The following TRRAP variants were observed in gnomAD, a reference collection of about 807,000 sequenced individuals.
TRRAP encodes the protein transformation/transcription domain-associated protein.
In TRRAP, 41 loss-of-function variants were observed where a neutral mutation model predicts 438.8. That is an observed-to-expected ratio of 0.09 (90% CI 0.07 to 0.12). The LOEUF (loss-of-function observed/expected upper bound fraction) is 0.12, where lower values mean the gene tolerates loss of function less well. Among genes scored for constraint, TRRAP ranks in the 10% least tolerant of loss-of-function variants. The probability of loss-of-function intolerance (pLI) is 1.00; values close to 1 mark genes in which losing one functional copy is unlikely to be tolerated. For missense variants in TRRAP, 3,122 were observed against 5,055.1 expected (o/e 0.62, Z 11.60); for synonymous variants, 1,994 against 1,962.9 (o/e 1.02, Z -0.42).
chr7:98,909,372 T>C (rs1471863421), intron 14 of TRRAP, among the ~76,000 whole-genome samples: 3 of 152,198 alleles, frequency 2.0e-5, no homozygotes, highest in Non-Finnish European at 4.4e-5. Flanking sequence ...ATCGCTAGGC[T>C]TGATCCCAGG....
chr7:98,951,456 G>C (rs951308134), intron 39 of TRRAP, among the ~76,000 whole-genome samples: 1 of 152,170 alleles, frequency 6.6e-6, no homozygotes, highest in African/African-American at 2.4e-5. Context: ...TGTGGTGGCC[G>C]TAGTCCAGTC....
chr7:98,933,470 G>A (rs964824435), intron 27 of TRRAP, 68 bp downstream of exon 27: 102 of 1,535,946 alleles, frequency 6.6e-5, no homozygotes, highest in Admixed American at 2.0e-4. Context: ...GTCTTTGTAC[G>A]CGAAGACTGG....
chr7:98,957,072 A>T (rs1481769040), intron 43 of TRRAP, among the ~76,000 whole-genome samples: 1 of 151,986 alleles, frequency 6.6e-6, no homozygotes, highest in Non-Finnish European at 1.5e-5. Flanking sequence ...CTTATGTGGC[A>T]CCCATGTCTG....
chr7:98,983,392 G>A lies in TRRAP; in HGVS notation c.8955G>A (p.Leu2985=). ...KTVVKTWRNR[L]PIVSDDLSHW... is the part of the protein sequence containing the mutation. ...TGGTGAAGACCTGGAGGAACCGACT[G>A]CCCATCGTGTCTGACGACTTGTCCC... Residue 2985 remains leucine (L), a synonymous_variant, in exon 60 of 73, where the codon CTG becomes CTA. Transcript: ENST00000456197. The A allele has an allele frequency of 1.9e-6, 3 of 1,614,216 alleles. No homozygotes were observed. Among genetic ancestry groups the A allele is most frequent in the Non-Finnish European group, 2.5e-6 (3 of 1,180,032 alleles).
intron 23 of TRRAP, among the ~76,000 whole-genome samples, chr7:98,929,696 T>G (rs528801570): frequency 2.0e-5 from 3 of 151,954 alleles, no homozygotes; most frequent in South Asian, 4.2e-4. Context: ...TGGGTTCAAG[T>G]GATTCTCCCG....
chr7:98,992,458 T>C (rs1793468051), intron 65 of TRRAP, among the ~76,000 whole-genome samples: 1 of 152,224 alleles, frequency 6.6e-6, no homozygotes, highest in Non-Finnish European at 1.5e-5. Flanking sequence ...ATTTGATCTA[T>C]AGGTAGAGAA....
At chr7:98,966,031 T>A (rs1019968387) in intron 49 of TRRAP, 136 bp downstream of exon 49, 1 of 1,041,466 alleles carries the variant, frequency 9.6e-7, no homozygotes, top group African/African-American at 1.6e-5. Context: ...TTTTCTTAAT[T>A]AAGATGGATT....
Position 98,966,965 on chromosome 7 carries a change from AT to A in TRRAP, c.7177-74del, listed in dbSNP as rs1158718236. The A allele has an allele frequency of 1.1e-5, 16 of 1,493,288 alleles. No individual in the cohort carries two copies. In the African/African-American group the frequency reaches 2.0e-4, roughly 18 times the overall value. 92.5% of individuals were successfully genotyped at this position (1,493,288 alleles called of 1,614,324 possible). A position where few individuals can be genotyped will look rare whatever the true frequency, so the allele number is the denominator to read the frequency against. On this transcript the variant is annotated intron_variant, in intron 49 of 72. Coordinates refer to ENST00000456197, the MANE Select transcript of TRRAP (RefSeq NM_001375524.1). ...ACCTTGTCTTATTGTGCTTGATAAA[AT>A]TGTAGGAGCTTAAAAAATACTAGAG...
chr7:98,960,363 A>G (rs1391755353), intron 45 of TRRAP, among the ~76,000 whole-genome samples: 1 of 152,162 alleles, frequency 6.6e-6, no homozygotes, highest in East Asian at 1.9e-4. Context: ...CAGGATTTGG[A>G]AACTTTTGCT....
intron 18 of TRRAP, among the ~76,000 whole-genome samples, chr7:98,914,029 C>T (rs1789404439): frequency 6.6e-6 from 1 of 152,168 alleles, no homozygotes; most frequent in African/African-American, 2.4e-5. Flanking sequence ...CCTGTGCTTT[C>T]CTTGTTTTCT....
chr7:98,934,240 G>A (rs542375602), intron 27 of TRRAP, among the ~76,000 whole-genome samples: 1 of 152,308 alleles, frequency 6.6e-6, no homozygotes, highest in South Asian at 2.1e-4. Flanking sequence ...CACTTGCAGA[G>A]GCATTGTCAG....
In TRRAP at chr7:98,976,348, G is replaced by C; in HGVS notation, c.7959+80G>C. The C allele has an allele frequency of 6.3e-7, 1 of 1,583,790 alleles. No homozygotes were observed. Among genetic ancestry groups the C allele is most frequent in the Non-Finnish European group, 8.6e-7 (1 of 1,166,044 alleles). ...AGTATTCATAAAAGAACACAGTCTC[G>C]AACAAGTTTCAGAAAATGAGGGAAC... is the stretch of plus-strand genomic sequence containing the variant. On this transcript the variant is annotated intron_variant, in intron 54 of 72. Transcript: ENST00000456197. The surrounding 1 kb of genome is among the most constrained non-coding windows in gnomAD (Gnocchi z 4.6).
chr7:99,002,047 C>G (rs966533363), intron 67 of TRRAP, among the ~76,000 whole-genome samples: 4 of 148,956 alleles, frequency 2.7e-5, no homozygotes, highest in Admixed American at 6.8e-5. Flanking sequence ...CTGAGGGATT[C>G]TTAATTGTGA....
intron 1 of TRRAP, among the ~76,000 whole-genome samples, chr7:98,880,267 T>TTTTTTG (rs1554402840): frequency 2.3e-4 from 16 of 69,284 alleles, no homozygotes; most frequent in South Asian, 9.8e-4. Context: ...TTGTTGTTTT[T>TTTTTTG]TTTTTTTTTT....
chr7:99,012,630 C>T lies in TRRAP; in HGVS notation c.*275C>T, dbSNP rs926335347. 4.3e-6 allele frequency: 2 copies of T among 466,238 alleles called. No individual in the cohort carries two copies. Among genetic ancestry groups the T allele is most frequent in the South Asian group, 3.1e-5 (1 of 31,802 alleles). The allele number at this position is 466,238 out of a possible 1,614,324, so 28.9% of individuals were successfully genotyped here. A position where few individuals can be genotyped will look rare whatever the true frequency, so the allele number is the denominator to read the frequency against. On this transcript the variant is annotated 3_prime_UTR_variant, in exon 73 of 73. Transcript: ENST00000456197. This position sits in a 1 kb window ranked among gnomAD's most constrained non-coding sequence, Gnocchi z 5.9. Reference sequence around the variant, plus strand: ...AATCTTTTAAGAAGCCAGGATTCTCCGGTCTGGAATTTCTGAGTGAGTCCT... The same window carrying T: ...AATCTTTTAAGAAGCCAGGATTCTCTGGTCTGGAATTTCTGAGTGAGTCCT...
intron 58 of TRRAP, among the ~76,000 whole-genome samples, chr7:98,979,925 G>T (rs1046408576): frequency 3.3e-5 from 5 of 152,160 alleles, no homozygotes; most frequent in Admixed American, 3.3e-4. Flanking sequence ...GTTTCATTTA[G>T]TAAGTGGGTT....
chr7:98,917,758 T>C (rs1386896838), intron 20 of TRRAP, 79 bp downstream of exon 20: 17 of 1,537,268 alleles, frequency 1.1e-5, no homozygotes, highest in African/African-American at 4.1e-5. Context: ...TACTCAAGAG[T>C]GGGCTCTGCA....
intron 58 of TRRAP, among the ~76,000 whole-genome samples, chr7:98,979,249 A>G (rs1266358139): frequency 6.6e-6 from 1 of 152,194 alleles, no homozygotes; most frequent in Non-Finnish European, 1.5e-5. Flanking sequence ...GTAAAAATAC[A>G]TTCTTCCCTC....
At chr7:98,918,307 T>C (rs1056971216) in intron 20 of TRRAP, among the ~76,000 whole-genome samples, 6 of 146,808 alleles carry the variant, frequency 4.1e-5, no homozygotes, top group Non-Finnish European at 7.4e-5. Context: ...CTCGGCTCAC[T>C]GCAACCTCCG....
Sources: allele counts gnomAD v4.1 joint callset (sites outside exome capture counted in the v4.1 genomes callset), GRCh38; gene constraint gnomAD v4.1.1; non-coding constraint Gnocchi (gnomAD v3.1); transcripts MANE v1.5; gene names NCBI Gene and HGNC (gene_info 2026-07-23, HGNC 2026-07-21).